The following MAST4 variants were observed in gnomAD, a reference collection of about 807,000 sequenced individuals.
MAST4 encodes the protein microtubule associated serine/threonine kinase family member 4.
MAST4 carries 89 observed loss-of-function variants against 162.7 expected under a neutral mutation model. The ratio of observed to expected loss-of-function variants is 0.55; its 90% CI spans 0.46 to 0.65. MAST4 has a LOEUF of 0.65. MAST4 is among the 30% of genes least tolerant of loss of function. The pLI is 0.00. For synonymous variants in MAST4, 1,479 were observed against 1,361.1 expected, an observed-to-expected ratio of 1.09 and a Z score of -1.91; for missense variants, 3,153 against 3,374.0, an observed-to-expected ratio of 0.93 and a Z score of 1.62.
intron 1 of MAST4, among the ~76,000 whole-genome samples, chr5:66,619,992 C>A: frequency 1.4e-5 from 2 of 147,186 alleles, no homozygotes; most frequent in African/African-American, 2.5e-5. Flanking sequence ...ATATATTATA[C>A]CAGAATTTTA....
chr5:66,733,188 T>C (rs1751960777), intron 1 of MAST4, among the ~76,000 whole-genome samples: 1 of 152,122 alleles, frequency 6.6e-6, no homozygotes. Context: ...GTAAGACTTT[T>C]CACTAGACAA....
intron 1 of MAST4, among the ~76,000 whole-genome samples, chr5:66,694,555 C>T (rs536354575): frequency 2.0e-5 from 3 of 152,076 alleles, no homozygotes; most frequent in South Asian, 4.2e-4. Context: ...GGCACGATCT[C>T]GGTTCACTGC....
At chr5:66,824,137 C>T (rs1453467088) in intron 3 of MAST4, among the ~76,000 whole-genome samples, 1 of 152,206 alleles carries the variant, frequency 6.6e-6, no homozygotes, top group Non-Finnish European at 1.5e-5. Context: ...CTGTTGTCTA[C>T]AAGTAACCAA....
chr5:66,702,583 A>G (rs187655393), intron 1 of MAST4, among the ~76,000 whole-genome samples: 1 of 152,294 alleles, frequency 6.6e-6, no homozygotes, highest in Admixed American at 6.5e-5. Context: ...TGAGACAGCC[A>G]ACTTTTAAGG....
At chr5:66,698,355 C>G (rs1026022329) in intron 1 of MAST4, among the ~76,000 whole-genome samples, 2 of 151,616 alleles carry the variant, frequency 1.3e-5, no homozygotes, top group African/African-American at 4.9e-5. Flanking sequence ...AGCTGTCTTA[C>G]CCACCCCTTT....
intron 1 of MAST4, among the ~76,000 whole-genome samples, chr5:66,673,810 A>C (rs1317718404): frequency 6.6e-6 from 1 of 152,010 alleles, no homozygotes; most frequent in Non-Finnish European, 1.5e-5. Flanking sequence ...TTTTTGAAAG[A>C]TCTCTAGATG....
intron 1 of MAST4, among the ~76,000 whole-genome samples, chr5:66,666,009 G>C (rs144301460): frequency 1.6e-3 from 245 of 152,326 alleles, no homozygotes; most frequent in Non-Finnish European, 3.0e-3. Context: ...AAAAATACCA[G>C]TACATGGGTA....
At chr5:66,955,083 G>T (rs974748357) in intron 4 of MAST4, among the ~76,000 whole-genome samples, 1 of 151,864 alleles carries the variant, frequency 6.6e-6, no homozygotes, top group African/African-American at 2.4e-5. Context: ...GAATGTGTCT[G>T]TGGTCCCAGT....
chr5:66,671,685 C>T (rs1251018584), intron 1 of MAST4, among the ~76,000 whole-genome samples: 1 of 152,100 alleles, frequency 6.6e-6, no homozygotes, highest in African/African-American at 2.4e-5. Context: ...ACTCCCATAC[C>T]ACTACAAAAC....
chr5:67,160,317 T>C lies in MAST4; in HGVS notation c.3649-139T>C, dbSNP rs989032268. The C allele has an allele frequency of 8.0e-6, 7 of 877,002 alleles. No individual in the cohort carries two copies. The South Asian group carries it at 1.7e-4, about 21-fold the overall frequency. 54.3% of individuals were successfully genotyped at this position (877,002 alleles called of 1,614,324 possible). A position where few individuals can be genotyped will look rare whatever the true frequency, so the allele number is the denominator to read the frequency against. Reference sequence around the variant, plus strand: ...TTGTATTCTGGCAGGACTTCTTTGATTGAAGGGTTATTTAGAAACAGAAGG... The same window carrying C: ...TTGTATTCTGGCAGGACTTCTTTGACTGAAGGGTTATTTAGAAACAGAAGG... On this transcript the variant is annotated intron_variant, in intron 26 of 28. Coordinates refer to ENST00000403625, the MANE Select transcript of MAST4 (RefSeq NM_001164664.2).
chr5:67,071,576 A>G (rs1225999787), intron 5 of MAST4, among the ~76,000 whole-genome samples: 4 of 152,184 alleles, frequency 2.6e-5, no homozygotes, highest in African/African-American at 9.7e-5. Flanking sequence ...ACTGACCAAT[A>G]TGGCAAAACC....
At chr5:66,959,746 TTTATC>T (rs1300887822) in intron 4 of MAST4, among the ~76,000 whole-genome samples, 2 of 152,232 alleles carry the variant, frequency 1.3e-5, no homozygotes, top group African/African-American at 4.8e-5. Context: ...TGATCCATGT[TTTATC>T]TGTGCAACAG....
chr5:67,137,076 G>A (rs1769749598), intron 19 of MAST4, among the ~76,000 whole-genome samples: 2 of 152,048 alleles, frequency 1.3e-5, no homozygotes, highest in African/African-American at 4.8e-5. Context: ...ATCCCCATAC[G>A]GATTTGACCC....
At chr5:66,731,862 C>A (rs1033601033) in intron 1 of MAST4, among the ~76,000 whole-genome samples, 1 of 152,048 alleles carries the variant, frequency 6.6e-6, no homozygotes, top group East Asian at 1.9e-4. Context: ...AATTTCCTGT[C>A]TTTCCTCCTC....
chr5:66,645,781 A>G (rs1402991695), intron 1 of MAST4, among the ~76,000 whole-genome samples: 2 of 152,198 alleles, frequency 1.3e-5, no homozygotes, highest in East Asian at 3.8e-4. Context: ...TTCGAACTGC[A>G]GCATTTACAA....
intron 3 of MAST4, among the ~76,000 whole-genome samples, chr5:66,872,576 C>T (rs964233430): frequency 6.6e-6 from 1 of 152,174 alleles, no homozygotes; most frequent in African/African-American, 2.4e-5. Flanking sequence ...GTGTCTAGGG[C>T]ATCCCTTCCC....
intron 1 of MAST4, among the ~76,000 whole-genome samples, chr5:66,714,185 T>G (rs926934825): frequency 6.6e-6 from 1 of 152,134 alleles, no homozygotes; most frequent in Non-Finnish European, 1.5e-5. Flanking sequence ...CTGTTTAGTC[T>G]CCGGTCTTTT....
intron 4 of MAST4, among the ~76,000 whole-genome samples, chr5:67,023,298 C>T (rs1033531467): frequency 2.2e-4 from 33 of 152,160 alleles, no homozygotes; most frequent in Admixed American, 2.0e-3. Context: ...AAACTTCTTA[C>T]GTTGTAGGTC....
Position 67,166,306 on chromosome 5 carries a change from A to G in MAST4, c.7127A>G (p.Glu2376Gly). The G allele has an allele frequency of 6.3e-7, 1 of 1,574,814 alleles. No individual in the cohort carries two copies. Among genetic ancestry groups the G allele is most frequent in the Non-Finnish European group, 8.6e-7 (1 of 1,159,950 alleles). Residue 2376 changes from glutamate to glycine, a missense_variant, in exon 29 of 29, where the codon GAA (glutamate) becomes GGA (glycine). Around this residue, in one of 7 missense-constraint regions of MAST4, gnomAD observed 1,644 missense variants for 1,495.0 expected, o/e 1.10. Transcript: ENST00000403625. ...DRRAEGKKCT[E>G]ALYAPAEGDK... ...AGGGCGGAAGGGAAGAAATGCACTGAAGCACTTTATGCTCCAGCAGAGGGC... is the reference window on the plus strand; with the variant it reads ...AGGGCGGAAGGGAAGAAATGCACTGGAGCACTTTATGCTCCAGCAGAGGGC...
Sources: gnomAD v4.1 joint callset for allele counts (sites outside exome capture counted in the v4.1 genomes callset) on GRCh38, gnomAD v4.1.1 for gene constraint, gnomAD v4.1.1 regional missense constraint, MANE v1.5 for transcripts, NCBI Gene and HGNC (gene_info 2026-07-23, HGNC 2026-07-21) for gene names.